GFRAL: variants seen among roughly 807,000 people sequenced by gnomAD.
The protein encoded by GFRAL is GDNF family receptor alpha-like.
A neutral mutation model predicts 45.4 loss-of-function variants in GFRAL; 36 were observed. The ratio of observed to expected loss-of-function variants is 0.79; its 90% CI spans 0.61 to 1.05. The LOEUF (loss-of-function observed/expected upper bound fraction) is 1.05, where lower values mean the gene tolerates loss of function less well. GFRAL is among the 50% of genes least tolerant of loss of function. GFRAL has a pLI of 0.00. For synonymous variants in GFRAL, 166 were observed against 154.1 expected, an observed-to-expected ratio of 1.08 and a Z score of -0.57; for missense variants, 507 against 467.5, an observed-to-expected ratio of 1.08 and a Z score of -0.78.
chr6:55,331,871 C>G (rs1767833934), intron 2 of GFRAL, 22 bp downstream of exon 2: 1 of 1,589,012 alleles, frequency 6.3e-7, no homozygotes, highest in Admixed American at 1.7e-5. Context: ...GCTAAAAATA[C>G]ACTCAAATGA....
At chr6:55,343,875 C>T in intron 3 of GFRAL, among the ~76,000 whole-genome samples, 1 of 152,098 alleles carries the variant, frequency 6.6e-6, no homozygotes, top group Non-Finnish European at 1.5e-5. Context: ...ATACATCCCA[C>T]AGAAATACAA....
At chr6:55,383,871 G>A (rs1768646058) in intron 6 of GFRAL, among the ~76,000 whole-genome samples, 2 of 151,990 alleles carry the variant, frequency 1.3e-5, no homozygotes, top group South Asian at 2.1e-4. Context: ...CTGGCTTAGA[G>A]TACTCATTGA....
At chr6:55,368,346 A>C (rs2127359898) in intron 6 of GFRAL, among the ~76,000 whole-genome samples, 1 of 148,506 alleles carries the variant, frequency 6.7e-6, no homozygotes, top group Admixed American at 6.7e-5. Flanking sequence ...CATTCTTCTA[A>C]ATTTTTTTCA....
At position 55,368,142 on chromosome 6, in the gene GFRAL, T is replaced by C. The variant is rs1319489601; in HGVS notation, c.952+9004T>C. 4.0e-4 allele frequency among the ~76,000 whole-genome samples: 60 copies of C among 150,686 alleles called. No homozygotes were observed. In the East Asian group the frequency reaches 0.011, roughly 28 times the overall value. On this transcript the variant is annotated intron_variant, in intron 6 of 8. Transcript: ENST00000340465. ...ATTTCTTGGAGGCTTTGCTCATTTCTTTTTATTCTTTTTTCTCTAAACTTC... is the reference window on the plus strand; with the variant it reads ...ATTTCTTGGAGGCTTTGCTCATTTCCTTTTATTCTTTTTTCTCTAAACTTC...
chr6:55,352,102 T>A (rs1768126060), intron 5 of GFRAL, among the ~76,000 whole-genome samples: 1 of 152,042 alleles, frequency 6.6e-6, no homozygotes, highest in Non-Finnish European at 1.5e-5. Flanking sequence ...TTTCACAATG[T>A]CAGGCTTTAA....
At chr6:55,341,286 C>T (rs895964198) in intron 3 of GFRAL, among the ~76,000 whole-genome samples, 3 of 152,240 alleles carry the variant, frequency 2.0e-5, no homozygotes, top group South Asian at 2.1e-4. Flanking sequence ...TAGGGGCAGA[C>T]TGACACCTCA....
chr6:55,331,729 T>C lies in GFRAL; in HGVS notation c.37T>C (p.Leu13=). 1 of 1,608,960 alleles carries C rather than the reference T, an allele frequency of 6.2e-7. No individual in the cohort carries two copies. Among genetic ancestry groups the C allele is most frequent in the Middle Eastern group, 1.7e-4 (1 of 6,040 alleles). The change falls in exon 2 of 9, where the codon TTG becomes CTG. Residue 13 remains leucine, a synonymous_variant. Transcript: ENST00000340465. ...VFIFLAMGLS[L]ENEYTSQTNN... ...TGTTATTCAAGCTATGGGGTTAAGCTTGGAAAATGAATACACTTCCCAAAC... is the reference window on the plus strand; with the variant it reads ...TGTTATTCAAGCTATGGGGTTAAGCCTGGAAAATGAATACACTTCCCAAAC...
intron 3 of GFRAL, among the ~76,000 whole-genome samples, chr6:55,338,359 G>A (rs1767918097): frequency 1.3e-5 from 2 of 152,024 alleles, no homozygotes; most frequent in African/African-American, 4.8e-5. Context: ...CAAAGTGCTG[G>A]GATAACAGGC....
chr6:55,368,359 GT>G (rs1404628255), intron 6 of GFRAL, among the ~76,000 whole-genome samples: 1 of 149,532 alleles, frequency 6.7e-6, no homozygotes, highest in East Asian at 2.0e-4. Flanking sequence ...TTTTTTCAAA[GT>G]TTTCAACTTC....
At chr6:55,327,910 T>C (rs12208700) in intron 1 of GFRAL, among the ~76,000 whole-genome samples, 30 of 152,112 alleles carry the variant, frequency 2.0e-4, no homozygotes, top group Non-Finnish European at 4.1e-4. Flanking sequence ...GAAATAAAAA[T>C]AAAACCTTCC....
At chr6:55,389,424 C>T (rs1768719471) in intron 6 of GFRAL, among the ~76,000 whole-genome samples, 9 of 152,102 alleles carry the variant, frequency 5.9e-5, no homozygotes, top group Non-Finnish European at 1.5e-5. Context: ...TCTCTCATTG[C>T]TCCATAGGTA....
chr6:55,378,553 C>G (rs563574367), intron 6 of GFRAL, among the ~76,000 whole-genome samples: 4 of 151,908 alleles, frequency 2.6e-5, no homozygotes, highest in Non-Finnish European at 5.9e-5. Flanking sequence ...AAACTATGGT[C>G]ATGGAGGGTC....
intron 6 of GFRAL, among the ~76,000 whole-genome samples, chr6:55,387,461 G>A (rs1217117067): frequency 6.6e-6 from 1 of 152,150 alleles, no homozygotes; most frequent in African/African-American, 2.4e-5. Flanking sequence ...GGCTTAAAGA[G>A]CCAAGTATTC....
chr6:55,364,031 T>G (rs1768317918), intron 6 of GFRAL, among the ~76,000 whole-genome samples: 1 of 143,178 alleles, frequency 7.0e-6, no homozygotes, highest in African/African-American at 2.7e-5. Context: ...CCACAATGGT[T>G]GAACTAGTTT....
chr6:55,367,840 G>A (rs1427094676), intron 6 of GFRAL, among the ~76,000 whole-genome samples: 1 of 151,922 alleles, frequency 6.6e-6, no homozygotes, highest in African/African-American at 2.4e-5. Flanking sequence ...TCCCTTTGAG[G>A]GTAACCCGAC....
intron 3 of GFRAL, among the ~76,000 whole-genome samples, 171 bp downstream of exon 3, chr6:55,334,115 G>T (rs9475249): frequency 0.053 from 8,083 of 151,916 alleles, 860 homozygotes; most frequent in East Asian, 0.34. Flanking sequence ...TCTATTTGAG[G>T]GGTACATGAG....
chr6:55,342,723 C>T (rs1445374151), intron 3 of GFRAL, among the ~76,000 whole-genome samples: 1 of 152,016 alleles, frequency 6.6e-6, no homozygotes, highest in Non-Finnish European at 1.5e-5. Flanking sequence ...TTAAAAGACA[C>T]AGACTGGCAA....
intron 3 of GFRAL, among the ~76,000 whole-genome samples, chr6:55,337,579 CTTG>C (rs1323911235): frequency 1.3e-5 from 2 of 152,176 alleles, no homozygotes; most frequent in Admixed American, 1.3e-4. Context: ...AATGTGTTAA[CTTG>C]TTGTAAGACT....
chr6:55,379,498 T>C (rs1562061971), intron 6 of GFRAL, among the ~76,000 whole-genome samples: 1 of 140,446 alleles, frequency 7.1e-6, no homozygotes. Context: ...GTTTTGCTTT[T>C]TCCCCAAATT....
Sources: allele counts gnomAD v4.1 joint callset (sites outside exome capture counted in the v4.1 genomes callset), GRCh38; gene constraint gnomAD v4.1.1; transcripts MANE v1.5; gene names NCBI Gene and HGNC (gene_info 2026-07-23, HGNC 2026-07-21).